The following CMSS1 variants were observed in gnomAD, a reference collection of about 807,000 sequenced individuals.
CMSS1 encodes the protein cms1 ribosomal small subunit homolog.
Under a neutral mutation model 43.5 loss-of-function variants are expected in CMSS1, and 33 were observed. The ratio of observed to expected loss-of-function variants is 0.76; its 90% confidence interval spans 0.57 to 1.01. The LOEUF is 1.01. Ranked by LOEUF, CMSS1 falls within the 50% of genes least tolerant of loss-of-function variation. CMSS1 has a pLI of 0.00. For missense variants in CMSS1, 313 were observed against 326.4 expected, an observed-to-expected ratio of 0.96 and a Z score of 0.32; for synonymous variants, 115 against 117.2, an observed-to-expected ratio of 0.98 and a Z score of 0.12.
intron 1 of CMSS1, among the ~76,000 whole-genome samples, chr3:100,107,187 G>A: frequency 6.6e-6 from 1 of 152,086 alleles, no homozygotes; most frequent in East Asian, 1.9e-4. Context: ...TGGACCTTTT[G>A]AGTTCTCTTT....
intron 1 of CMSS1, among the ~76,000 whole-genome samples, chr3:99,941,114 G>A (rs1707837584): frequency 6.6e-6 from 1 of 152,184 alleles, no homozygotes; most frequent in Non-Finnish European, 1.5e-5. Flanking sequence ...CTTTTTAGGG[G>A]AAGAGAGGGA....
At chr3:99,836,350 G>C (rs761099363) in intron 1 of CMSS1, among the ~76,000 whole-genome samples, 1 of 152,138 alleles carries the variant, frequency 6.6e-6, no homozygotes. Flanking sequence ...CAATAGAGGC[G>C]AGACAAAGAG....
intron 1 of CMSS1, among the ~76,000 whole-genome samples, chr3:99,968,255 A>G (rs368704623): frequency 9.9e-5 from 15 of 152,260 alleles, no homozygotes; most frequent in East Asian, 7.7e-4. Context: ...TCAGTGTTTA[A>G]CCTTCTTTGA....
chr3:100,024,504 G>A (rs1030705714), intron 1 of CMSS1, among the ~76,000 whole-genome samples: 10 of 152,042 alleles, frequency 6.6e-5, no homozygotes, highest in Non-Finnish European at 1.3e-4. Context: ...GGTCTCCTTA[G>A]ACTATTCAAT....
chr3:100,015,972 A>AT (rs1559726267), intron 1 of CMSS1, among the ~76,000 whole-genome samples: 1 of 152,166 alleles, frequency 6.6e-6, no homozygotes, highest in South Asian at 2.1e-4. Flanking sequence ...TGCCTTTTTA[A>AT]TTTTTTTATT....
At chr3:100,033,449 A>G (rs1010175462) in intron 1 of CMSS1, among the ~76,000 whole-genome samples, 2 of 152,282 alleles carry the variant, frequency 1.3e-5, no homozygotes, top group African/African-American at 4.8e-5. Context: ...GCTTTGTGTT[A>G]TCTTCTTGAA....
intron 1 of CMSS1, among the ~76,000 whole-genome samples, chr3:100,101,905 A>G (rs2066313785): frequency 6.6e-6 from 1 of 152,140 alleles, no homozygotes; most frequent in Non-Finnish European, 1.5e-5. Flanking sequence ...TTTGCTGAGA[A>G]TGATGGTTTC....
At chr3:99,934,784 G>A (rs150146244) in intron 1 of CMSS1, among the ~76,000 whole-genome samples, 136 of 152,320 alleles carry the variant, frequency 8.9e-4, no homozygotes, top group African/African-American at 3.1e-3. Flanking sequence ...TCATTTGCCA[G>A]TGATGATATT....
chr3:99,878,745 G>T (rs183516456), intron 1 of CMSS1, among the ~76,000 whole-genome samples: 5 of 152,300 alleles, frequency 3.3e-5, no homozygotes, highest in Non-Finnish European at 7.3e-5. Context: ...GAAAGTCAAG[G>T]GTTTTGAGGG....
chr3:99,987,290 A>G (rs949032834), intron 1 of CMSS1, among the ~76,000 whole-genome samples: 5 of 151,766 alleles, frequency 3.3e-5, no homozygotes, highest in Non-Finnish European at 4.4e-5. Flanking sequence ...GCATTTTGGG[A>G]GGCTGAAGTG....
chr3:99,989,205 C>T (rs1709441568), intron 1 of CMSS1, among the ~76,000 whole-genome samples: 1 of 152,112 alleles, frequency 6.6e-6, no homozygotes, highest in Non-Finnish European at 1.5e-5. Flanking sequence ...TTTAGTGAGG[C>T]TTATGACTCC....
At chr3:100,145,639 T>G (rs1331513792) in intron 1 of CMSS1, among the ~76,000 whole-genome samples, 1 of 152,196 alleles carries the variant, frequency 6.6e-6, no homozygotes, top group Admixed American at 6.5e-5. Context: ...GTTCTAGTCC[T>G]AGTCTAAAGG....
At chr3:100,158,496 A>G (rs1354363867) in intron 2 of CMSS1, among the ~76,000 whole-genome samples, 1 of 152,206 alleles carries the variant, frequency 6.6e-6, no homozygotes, top group African/African-American at 2.4e-5. Context: ...AGAATTTTCA[A>G]TACTGTGGAT....
chr3:100,084,813 T>C (rs1015632788), intron 1 of CMSS1, among the ~76,000 whole-genome samples: 4 of 152,240 alleles, frequency 2.6e-5, no homozygotes, highest in Non-Finnish European at 5.9e-5. Flanking sequence ...AGCTGTAGCT[T>C]CTTTTTCACT....
At chr3:99,893,162 C>CTTTTTTT (rs1200176411) in intron 1 of CMSS1, among the ~76,000 whole-genome samples, 1 of 107,648 alleles carries the variant, frequency 9.3e-6, no homozygotes, top group Non-Finnish European at 1.9e-5. Flanking sequence ...GGCATCTAGA[C>CTTTTTTT]TTTTTTTTTT....
intron 1 of CMSS1, among the ~76,000 whole-genome samples, chr3:99,998,959 C>A (rs1238377650): frequency 1.3e-5 from 2 of 152,184 alleles, no homozygotes; most frequent in Non-Finnish European, 1.5e-5. Context: ...AAGCACACAC[C>A]CAGAGAAAAC....
At chr3:99,997,884 TA>T (rs1257528613) in intron 1 of CMSS1, among the ~76,000 whole-genome samples, 11 of 152,204 alleles carry the variant, frequency 7.2e-5, no homozygotes, top group Admixed American at 1.3e-4. Flanking sequence ...TAAACTAAAG[TA>T]TAATGCATTT....
At chr3:99,929,763 T>A (rs1306764120) in intron 1 of CMSS1, 1 of 901,522 alleles carries the variant, frequency 1.1e-6, no homozygotes, top group Non-Finnish European at 1.6e-6. Flanking sequence ...AAAGTAAAAC[T>A]GTAAGGAATC....
In CMSS1 at chr3:100,132,077, G is replaced by A. The variant is rs545882466; in HGVS notation, c.65-14896G>A. On this transcript the variant is annotated intron_variant, in intron 1 of 9. Transcript: ENST00000421999. ...TCATAATTTAAAACATCTGTAAATCGAAAGTCATAAAAATTAAAAGATTAG... is the reference window on the plus strand; with the variant it reads ...TCATAATTTAAAACATCTGTAAATCAAAAGTCATAAAAATTAAAAGATTAG... Among the ~76,000 whole-genome samples the A allele has an allele frequency of 5.3e-5, 8 of 152,158 alleles. No individual in the cohort carries two copies. In the South Asian group the frequency reaches 8.3e-4, roughly 16 times the overall value.
Sources: gnomAD v4.1 joint callset for allele counts (sites outside exome capture counted in the v4.1 genomes callset) on GRCh38, gnomAD v4.1.1 for gene constraint, MANE v1.5 for transcripts, NCBI Gene and HGNC (gene_info 2026-07-23, HGNC 2026-07-21) for gene names.